Variants in PCTP observed in about 807,000 individuals in gnomAD.
The protein encoded by PCTP is phosphatidylcholine transfer protein.
PCTP carries 27 observed loss-of-function variants against 31.0 expected under a neutral mutation model. That is an observed-to-expected ratio of 0.87 (90% CI 0.64 to 1.20). The LOEUF (loss-of-function observed/expected upper bound fraction) is 1.20. Ranked by LOEUF, PCTP falls within the 50% of genes most tolerant of loss-of-function variation. PCTP has a pLI of 0.00. For missense variants in PCTP, 287 were observed against 268.2 expected (o/e 1.07, Z -0.49); for synonymous variants, 108 against 101.2 (o/e 1.07, Z -0.40).
At chr17:55,791,516 A>T (rs1911979054) in intron 3 of PCTP, among the ~76,000 whole-genome samples, 1 of 148,458 alleles carries the variant, frequency 6.7e-6, no homozygotes, top group African/African-American at 2.5e-5. Context: ...GACACTTCTC[A>T]AAAGAAGACA....
rs779548642 is a variant in PCTP at position 55,775,862 on chromosome 17, C to T, written c.580-173C>T. 93 of 1,362,090 alleles carry T rather than the reference C, an allele frequency of 6.8e-5. No individual in the cohort carries two copies. The Middle Eastern group carries it at 1.3e-3, about 19-fold the overall frequency. 84.4% of individuals were successfully genotyped at this position (1,362,090 alleles called of 1,614,324 possible). A position where few individuals can be genotyped will look rare whatever the true frequency, so the allele number is the denominator to read the frequency against. On this transcript the variant is annotated intron_variant, in intron 5 of 5. Coordinates refer to ENST00000268896, the MANE Select transcript of PCTP (RefSeq NM_021213.4). ...CCTGTTGACTGGTCTTACTTTTGTC[C>T]TCAGTCCTACTTTTTGTCATCATCT...
At chr17:55,848,779 A>G in the PCTP span, among the ~76,000 whole-genome samples, 18 of 152,210 alleles carry the variant, frequency 1.2e-4, no homozygotes, top group African/African-American at 4.1e-4. Context: ...GCCTACAGCA[A>G]CAGAGCTGGA....
intron 5 of PCTP, among the ~76,000 whole-genome samples, chr17:55,834,538 G>A (rs117544449): frequency 2.1e-3 from 313 of 152,310 alleles, no homozygotes; most frequent in Non-Finnish European, 3.8e-3. Context: ...TTCCTAGAAG[G>A]GGATTTTAGC....
downstream of PCTP, among the ~76,000 whole-genome samples, chr17:55,828,074 G>A (rs1905460411): frequency 6.6e-6 from 1 of 152,128 alleles, no homozygotes; most frequent in African/African-American, 2.4e-5. Flanking sequence ...GGGCACTCTG[G>A]GGTGGGAAGC....
intron 2 of PCTP, among the ~76,000 whole-genome samples, chr17:55,782,999 G>A (rs1911614535): frequency 6.6e-6 from 1 of 152,092 alleles, no homozygotes; most frequent in Admixed American, 6.5e-5. Context: ...AGGAATAAAT[G>A]AATCAATGGT....
At chr17:55,804,133 G>A (rs1233993886) in intron 3 of PCTP, among the ~76,000 whole-genome samples, 2 of 152,206 alleles carry the variant, frequency 1.3e-5, no homozygotes, top group Non-Finnish European at 2.9e-5. Flanking sequence ...CTGGTCATTA[G>A]AGAAATGCAA....
At chr17:55,819,465 G>A (rs183507291) in intron 3 of PCTP, among the ~76,000 whole-genome samples, 65 of 152,288 alleles carry the variant, frequency 4.3e-4, no homozygotes, top group Admixed American at 1.7e-3. Context: ...ACTACAGGCC[G>A]GGTGCAGAGG....
At chr17:55,840,511 T>C (rs1265308035) in intron 5 of PCTP, among the ~76,000 whole-genome samples, 3 of 152,220 alleles carry the variant, frequency 2.0e-5, no homozygotes, top group Non-Finnish European at 4.4e-5. Flanking sequence ...TATACAGTAG[T>C]GCACATCCGT....
At chr17:55,755,837 A>T (rs1909988567) in intron 1 of PCTP, among the ~76,000 whole-genome samples, 1 of 152,240 alleles carries the variant, frequency 6.6e-6, no homozygotes, top group Non-Finnish European at 1.5e-5. Context: ...TGTGGAAGAT[A>T]GGCAAAAATG....
rs79806530 is a variant in PCTP at position 55,774,817 on chromosome 17, G to A, written c.537G>A (p.Pro179=). The change falls in exon 5 of 6, where the codon CCG becomes CCA. Residue 179 remains proline, a synonymous_variant. Coordinates refer to ENST00000268896, the MANE Select transcript of PCTP (RefSeq NM_021213.4). ...TTTTCATGTATTACTTCGATAACCC[G>A]GGTGGCCAAATTCCGTCCTGGCTCA... ...SKVFMYYFDN[P]GGQIPSWLIN... is the part of the protein sequence containing the mutation. 8.7e-4 allele frequency: 1,399 copies of A among 1,607,946 alleles called. 4 individuals are homozygous for A. The African/African-American group carries it at 0.01, about 12-fold the overall frequency.
chr17:55,848,927 T>G, the PCTP span, among the ~76,000 whole-genome samples: 1 of 152,304 alleles, frequency 6.6e-6, no homozygotes, highest in South Asian at 2.1e-4. Context: ...AGTTCATGCT[T>G]ACTGGAATAA....
At chr17:55,830,862 G>T (rs557849470) in intron 5 of PCTP, among the ~76,000 whole-genome samples, 21 of 152,166 alleles carry the variant, frequency 1.4e-4, no homozygotes, top group Non-Finnish European at 2.6e-4. Context: ...GTGGTGTCAG[G>T]CCGGCTGCTG....
intron 1 of PCTP, chr17:55,751,518 T>C: frequency 6.7e-7 from 1 of 1,494,352 alleles, no homozygotes; most frequent in Non-Finnish European, 8.9e-7. Context: ...TTAATGACAG[T>C]TGAAACGTGG....
At chr17:55,791,738 G>A (rs1911990740) in intron 3 of PCTP, among the ~76,000 whole-genome samples, 1 of 152,164 alleles carries the variant, frequency 6.6e-6, no homozygotes, top group South Asian at 2.1e-4. Context: ...CATTGTGGAA[G>A]TCAGTGTGGC....
chr17:55,773,045 C>T (rs570360861), intron 3 of PCTP, among the ~76,000 whole-genome samples: 7 of 152,226 alleles, frequency 4.6e-5, no homozygotes, highest in South Asian at 4.1e-4. Context: ...AGAATAGTGC[C>T]GTAAACTTAA....
intron 1 of PCTP, among the ~76,000 whole-genome samples, chr17:55,757,932 T>C (rs1178373336): frequency 6.6e-6 from 1 of 152,176 alleles, no homozygotes; most frequent in African/African-American, 2.4e-5. Flanking sequence ...CTCCCTGATG[T>C]TTAAGTTAGT....
intron 3 of PCTP, among the ~76,000 whole-genome samples, chr17:55,805,015 C>T (rs1362852651): frequency 6.6e-6 from 1 of 151,720 alleles, no homozygotes; most frequent in African/African-American, 2.4e-5. Context: ...TTGTATGCAC[C>T]CAGTAAGATC....
intron 1 of PCTP, chr17:55,751,556 C>A: frequency 1.5e-6 from 2 of 1,327,156 alleles, no homozygotes; most frequent in Non-Finnish European, 2.0e-6. Flanking sequence ...CCCGTGCACA[C>A]GTCTGCAAGG....
At chr17:55,806,122 T>C (rs569539642) in intron 3 of PCTP, among the ~76,000 whole-genome samples, 4 of 152,066 alleles carry the variant, frequency 2.6e-5, no homozygotes, top group Non-Finnish European at 4.4e-5. Flanking sequence ...GGGCCATGGA[T>C]CACAGAGTCC....
Sources: allele counts gnomAD v4.1 joint callset (sites outside exome capture counted in the v4.1 genomes callset), GRCh38; gene constraint gnomAD v4.1.1; transcripts MANE v1.5; gene names NCBI Gene and HGNC (gene_info 2026-07-23, HGNC 2026-07-21).